Variants in SPAG9 observed in about 807,000 individuals in gnomAD.
The protein encoded by SPAG9 is sperm associated antigen 9.
SPAG9 carries 35 observed loss-of-function variants against 166.5 expected under a neutral mutation model. The ratio of observed to expected loss-of-function variants is 0.21; its 90% CI spans 0.16 to 0.28. The LOEUF (loss-of-function observed/expected upper bound fraction) is 0.28, where lower values mean the gene tolerates loss of function less well. SPAG9 is among the 10% of genes least tolerant of loss of function. The probability of loss-of-function intolerance (pLI) is 1.00; values close to 1 mark genes in which losing one functional copy is unlikely to be tolerated. For missense variants in SPAG9, 1,235 were observed against 1,603.3 expected (o/e 0.77, Z 3.92); for synonymous variants, 534 against 565.5 (o/e 0.94, Z 0.79).
At chr17:51,004,309 T>C (rs1383612293) in intron 12 of SPAG9, among the ~76,000 whole-genome samples, 1 of 152,236 alleles carries the variant, frequency 6.6e-6, no homozygotes, top group African/African-American at 2.4e-5. Flanking sequence ...ATAACCTGCA[T>C]GTCTTACTTG....
intron 1 of SPAG9, among the ~76,000 whole-genome samples, chr17:51,081,531 G>T (rs1436724208): frequency 6.6e-6 from 1 of 151,914 alleles, no homozygotes; most frequent in Non-Finnish European, 1.5e-5. Flanking sequence ...ATCACCTGAG[G>T]TCAGGAGTTC....
At chr17:51,088,225 A>C (rs1044292242) in intron 1 of SPAG9, among the ~76,000 whole-genome samples, 2 of 152,236 alleles carry the variant, frequency 1.3e-5, no homozygotes, top group African/African-American at 4.8e-5. Flanking sequence ...CTGTTGTAAT[A>C]GTTAAGCCAC....
chr17:50,978,740 G>A (rs1414626760), intron 26 of SPAG9, among the ~76,000 whole-genome samples: 1 of 152,172 alleles, frequency 6.6e-6, no homozygotes, highest in African/African-American at 2.4e-5. Context: ...CAGCACATGT[G>A]AGGACCCTGA....
intron 3 of SPAG9, among the ~76,000 whole-genome samples, chr17:51,051,865 A>G (rs1281136546): frequency 6.6e-6 from 1 of 152,232 alleles, no homozygotes. Context: ...GTCAAAGGAT[A>G]AAATGAGAAT....
At chr17:51,077,029 T>TCTAGCTAGCTAGCTATCTAGCTAG (rs1442787507) in intron 2 of SPAG9, among the ~76,000 whole-genome samples, 3 of 65,340 alleles carry the variant, frequency 4.6e-5, no homozygotes, top group Admixed American at 2.9e-4. Context: ...TATCTAGCTA[T>TCTAGCTAGCTAGCTATCTAGCTAG]CTATCTAGCT....
intron 2 of SPAG9, among the ~76,000 whole-genome samples, chr17:51,077,013 G>GCTAGCTAGCTAGCTATCTAT (rs2048001568): frequency 6.4e-5 from 4 of 62,862 alleles, no homozygotes; most frequent in African/African-American, 9.5e-5. Flanking sequence ...TAGCTAGCTA[G>GCTAGCTAGCTAGCTATCTAT]CTAGCTATCT....
At chr17:50,996,381 A>C in intron 16 of SPAG9, 184 bp downstream of exon 16, 1 of 632,692 alleles carries the variant, frequency 1.6e-6, no homozygotes, top group Non-Finnish European at 2.7e-6. Context: ...AGAGCATTTC[A>C]TTTGAGTTCT....
At chr17:51,016,695 G>A (rs1598000458) in intron 8 of SPAG9, among the ~76,000 whole-genome samples, 1 of 152,138 alleles carries the variant, frequency 6.6e-6, no homozygotes, top group Non-Finnish European at 1.5e-5. Context: ...TCATGAGGTC[G>A]GGAGTTTGAG....
intron 4 of SPAG9, among the ~76,000 whole-genome samples, chr17:51,042,180 C>A (rs548040242): frequency 1.3e-5 from 2 of 152,248 alleles, no homozygotes; most frequent in South Asian, 4.1e-4. Flanking sequence ...ATATCTTTCT[C>A]CCCACCACCC....
At chr17:51,106,007 G>A (rs2048938824) in intron 1 of SPAG9, among the ~76,000 whole-genome samples, 1 of 151,948 alleles carries the variant, frequency 6.6e-6, no homozygotes, top group Non-Finnish European at 1.5e-5. Context: ...GTTCATGTCT[G>A]TAATACCAGC....
chr17:51,089,661 T>TATATATATATACATACATAC (rs1426675943), intron 1 of SPAG9, among the ~76,000 whole-genome samples: 1 of 97,932 alleles, frequency 1.0e-5, no homozygotes, highest in Non-Finnish European at 2.1e-5. Flanking sequence ...TATATATATA[T>TATATATATATACATACATAC]ATACACATAC....
intron 5 of SPAG9, 199 bp from the exon 6 acceptor site, chr17:51,031,921 T>A (rs1568021493): frequency 3.0e-6 from 2 of 674,798 alleles, no homozygotes; most frequent in Admixed American, 2.0e-5. Flanking sequence ...ATATCATGGT[T>A]CAGAAGCCAC....
At chr17:51,052,617 C>CTTG (rs769394389) in intron 3 of SPAG9, among the ~76,000 whole-genome samples, 67 of 150,132 alleles carry the variant, frequency 4.5e-4, no homozygotes, top group South Asian at 1.0e-3. Flanking sequence ...CTATCTTTTC[C>CTTG]TCAAGGAATA....
At chr17:50,996,129 G>A (rs2044669545) in intron 16 of SPAG9, 1 of 169,370 alleles carries the variant, frequency 5.9e-6, no homozygotes, top group Non-Finnish European at 1.3e-5. Context: ...ACATGAACAT[G>A]TGAGTCTTTT....
chr17:51,091,083 TCTGTCTCCACGAAACC>T (rs1174194540), intron 1 of SPAG9, among the ~76,000 whole-genome samples: 2 of 151,568 alleles, frequency 1.3e-5, no homozygotes, highest in East Asian at 3.9e-4. Context: ...GCAATATGAC[TCTGTCTCCACGAAACC>T]CTGTCTCCAC....
chr17:51,072,157 C>T (rs191537844), intron 2 of SPAG9, among the ~76,000 whole-genome samples: 14 of 152,020 alleles, frequency 9.2e-5, no homozygotes, highest in African/African-American at 2.7e-4. Context: ...ATGCAACCTC[C>T]GCCTCCCAGG....
intron 8 of SPAG9, among the ~76,000 whole-genome samples, chr17:51,015,141 A>G (rs1005583216): frequency 1.4e-4 from 22 of 152,314 alleles, no homozygotes; most frequent in South Asian, 6.2e-4. Flanking sequence ...TGTGAACAAA[A>G]TTCTGTAAGA....
rs1240922377 is a variant in SPAG9, at chr17:51,095,366, T to C, written c.304-15662A>G. Reference sequence around the variant, plus strand: ...GGCTCACGCCTGTAATCCCAGCACTTTGGGAGACTGAAGGGGCAGATCATG... The same window carrying C: ...GGCTCACGCCTGTAATCCCAGCACTCTGGGAGACTGAAGGGGCAGATCATG... On this transcript the variant is annotated intron_variant, in intron 1 of 29. Transcript: ENST00000262013. 2.0e-5 allele frequency among the ~76,000 whole-genome samples: 3 copies of C among 149,422 alleles called. No homozygotes were observed. The Admixed American group carries it at 2.0e-4, about 10-fold the overall frequency.
At chr17:51,047,134 A>G (rs2144453890) in intron 4 of SPAG9, among the ~76,000 whole-genome samples, 1 of 152,346 alleles carries the variant, frequency 6.6e-6, no homozygotes, top group South Asian at 2.1e-4. Flanking sequence ...TCCATCAAGT[A>G]TCAGAAAACA....
Sources: gnomAD v4.1 joint callset for allele counts (sites outside exome capture counted in the v4.1 genomes callset) on GRCh38, gnomAD v4.1.1 for gene constraint, MANE v1.5 for transcripts, NCBI Gene and HGNC (gene_info 2026-07-23, HGNC 2026-07-21) for gene names.